CTSE: variants seen among roughly 807,000 people sequenced by gnomAD.
The protein encoded by CTSE is erythrocyte membrane aspartic proteinase.
A neutral mutation model predicts 42.8 loss-of-function variants in CTSE; 43 were observed. The observed-to-expected ratio is 1.01, with a 90% CI of 0.79 to 1.30. The LOEUF is 1.30. Among genes scored for constraint, CTSE ranks in the 50% most tolerant of loss-of-function variants. The pLI, the probability that CTSE is intolerant of heterozygous loss-of-function variation, is 0.00. For synonymous variants in CTSE, 205 were observed against 191.5 expected, an observed-to-expected ratio of 1.07 and a Z score of -0.58; for missense variants, 532 against 493.5, an observed-to-expected ratio of 1.08 and a Z score of -0.74.
At position 206,023,820 on chromosome 1, in the gene CTSE, GC is replaced by G. The variant is rs1434850107; in HGVS notation, c.-30del. On this transcript the variant is annotated 5_prime_UTR_variant, in exon 1 of 9. Transcript: ENST00000358184. ...GAGTCCGACCAGCAGCTTCTCCCTTGCCCCCTCCTTTCTTCTCTCCCCGAGG... is the reference window on the plus strand; with the variant it reads ...GAGTCCGACCAGCAGCTTCTCCCTTGCCCCTCCTTTCTTCTCTCCCCGAGG... 1.9e-6 allele frequency: 3 copies of G among 1,609,942 alleles called. No individual in the cohort carries two copies. The highest frequency in any genetic ancestry group is 2.5e-6 in the Non-Finnish European group (3 of 1,176,576).
At position 206,012,347 on chromosome 1, in the gene CTSE, T is replaced by G; in HGVS notation, c.987A>C (p.Gly329=). ...VMPDVTFTIN[G]VPYTLSPTAY... is the part of the protein sequence containing the mutation. ...CAGTTGGGCTGAGGGTATAGGGGAC[T>G]CCGTTAATGGTGAAGGTGACATCCG... is the stretch of plus-strand genomic sequence containing the variant. The change falls in exon 8 of 9, where the codon GGA becomes GGC. Residue 329 remains glycine (G), a synonymous_variant. Transcript: ENST00000358184. 2 of 1,613,934 alleles carry G rather than the reference T, an allele frequency of 1.2e-6. No homozygotes were observed. The highest frequency in any genetic ancestry group is 1.7e-6 in the Non-Finnish European group (2 of 1,179,894).
In CTSE at chr1:206,015,933, G is replaced by T; in HGVS notation, c.660C>A (p.Ser220Arg). 1 of 1,613,462 alleles carries T rather than the reference G, an allele frequency of 6.2e-7. No individual in the cohort carries two copies. The highest frequency in any genetic ancestry group is 8.5e-7 in the Non-Finnish European group (1 of 1,179,558). ...CTCACAGACTTGATGGGCCTTACCT[G>T]CTCATGTAGACAGAAAACATCGGCA... ...VDLPMFSVYM[S>R]SNPEGGAGSE... The change falls in exon 5 of 9, where the codon AGC (serine) becomes AGA (arginine). Residue 220 changes from serine to arginine, a missense_variant and splice_region_variant. Physicochemically the swap from Ser to Arg is moderately radical, Grantham distance 110. Coordinates refer to ENST00000358184, the MANE Select transcript of CTSE (RefSeq NM_001910.4).
chr1:206,021,202 C>G (rs782399480), intron 3 of CTSE, 35 bp from the exon 4 acceptor site: 2 of 1,514,584 alleles, frequency 1.3e-6, no homozygotes, highest in East Asian at 2.3e-5. Flanking sequence ...CTTATGCCAT[C>G]GGCTCACTGG....
At chr1:206,013,742 T>C in intron 6 of CTSE, 30 bp downstream of exon 6, 1 of 1,610,466 alleles carries the variant, frequency 6.2e-7, no homozygotes, top group Non-Finnish European at 8.5e-7. Flanking sequence ...TTACCCCTAG[T>C]ACTGTCACTA....
In CTSE at chr1:206,021,161, T is replaced by C. The variant is rs1571820811; in HGVS notation, c.350A>G (p.His117Arg). The change falls in exon 4 of 9, where the codon CAC becomes CGC. Residue 117 changes from histidine (H) to arginine (R), a missense_variant. His to Arg is a conservative substitution (Grantham distance 29, BLOSUM62 0). Coordinates refer to ENST00000358184, the MANE Select transcript of CTSE (RefSeq NM_001910.4). ...VYCTSPACKT[H>R]SRFQPSQSST... ...GGACTGGGAAGGCTGGAACCTGCTG[T>C]GCGTCTCTGGAAAGAAGTGCACTGC... 6.2e-7 allele frequency: 1 copy of C among 1,611,634 alleles called. No individual in the cohort carries two copies. The highest frequency in any genetic ancestry group is 1.3e-5 in the African/African-American group (1 of 74,992).
At chr1:206,013,462 A>G (rs1553277336) in intron 6 of CTSE, among the ~76,000 whole-genome samples, 1 of 151,792 alleles carries the variant, frequency 6.6e-6, no homozygotes, top group Non-Finnish European at 1.5e-5. Context: ...CACCTGTGCA[A>G]CCCCCCATGT....
Position 206,016,150 on chromosome 1 carries a change from A to G in CTSE, c.463-20T>C, listed in dbSNP as rs781841693. ...TTCCACCTGGTAGGAGAAAGCCCAC[A>G]GGAGAACAGGAGAATGGCACAGGGG... On this transcript the variant is annotated intron_variant, in intron 4 of 8. Transcript: ENST00000358184. 1 of 1,607,398 alleles carries G rather than the reference A, an allele frequency of 6.2e-7. No individual in the cohort carries two copies. Among genetic ancestry groups the G allele is most frequent in the South Asian group, 1.1e-5 (1 of 90,926 alleles).
Position 206,012,328 on chromosome 1 carries a change from G to T in CTSE, c.1006C>A (p.Pro336Thr). ...CTTACCAGTAGGGTGTAGGCAGTTG[G>T]GCTGAGGGTATAGGGGACTCCGTTA... ...TINGVPYTLS[P>T]TAYTLLDFVD... The change falls in exon 8 of 9, where the codon CCA becomes ACA. Residue 336 changes from proline (P) to threonine (T), a missense_variant. Transcript: ENST00000358184. 6.2e-7 allele frequency: 1 copy of T among 1,613,812 alleles called. No individual in the cohort carries two copies. The highest frequency in any genetic ancestry group is 8.5e-7 in the Non-Finnish European group (1 of 1,179,756).
At chr1:206,010,947 C>T (rs1414470218) in intron 8 of CTSE, among the ~76,000 whole-genome samples, 1 of 151,944 alleles carries the variant, frequency 6.6e-6, no homozygotes, top group Admixed American at 6.6e-5. Context: ...GTGGTCTTTC[C>T]AACAATGATT....
chr1:206,010,130 C>A lies in CTSE; in HGVS notation c.*53G>T. 1.2e-6 allele frequency: 2 copies of A among 1,607,816 alleles called. No individual in the cohort carries two copies. Among genetic ancestry groups the A allele is most frequent in the Admixed American group, 1.7e-5 (1 of 59,898 alleles). On this transcript the variant is annotated 3_prime_UTR_variant, in exon 9 of 9. Transcript: ENST00000358184. ...TTTGTAGGTGTAAAGAATGCCCCAG[C>A]CTAACATATTCAAGGTCTGTCAGAC...
rs1661408497 is a variant in CTSE at position 206,021,180 on chromosome 1, G to A, written c.344-13C>T. 2.5e-6 allele frequency: 4 copies of A among 1,589,110 alleles called. No homozygotes were observed. The highest frequency in any genetic ancestry group is 3.5e-6 in the Non-Finnish European group (4 of 1,157,350). ...CTGCTGTGCGTCTCTGGAAAGAAGT[G>A]CACTGCTCTTGCTTATGCCATCGGC... On this transcript the variant is annotated splice_polypyrimidine_tract_variant and intron_variant, in intron 3 of 8. Coordinates refer to ENST00000358184, the MANE Select transcript of CTSE (RefSeq NM_001910.4).
chr1:206,022,024 G>A, intron 3 of CTSE, 126 bp downstream of exon 3: 1 of 606,212 alleles, frequency 1.6e-6, no homozygotes, highest in Non-Finnish European at 2.9e-6. Context: ...AAGATGGAGA[G>A]TGGAAGCTGG....
At chr1:206,010,486 G>A (rs1447340720) in intron 8 of CTSE, 139 bp from the exon 9 acceptor site, 1 of 725,860 alleles carries the variant, frequency 1.4e-6, no homozygotes, top group Non-Finnish European at 2.5e-6. Context: ...TTGGTCGGTG[G>A]GTTCTTCCTC....
chr1:206,012,221 C>G lies in CTSE; in HGVS notation c.1026+87G>C, dbSNP rs113911920. 33 of 1,098,062 alleles carry G rather than the reference C, an allele frequency of 3.0e-5. No individual in the cohort carries two copies. In the East Asian group the frequency reaches 6.6e-4, roughly 22 times the overall value. The allele number at this position is 1,098,062 out of a possible 1,614,324, so 68.0% of individuals were successfully genotyped here. On this transcript the variant is annotated intron_variant, in intron 8 of 8. Coordinates refer to ENST00000358184, the MANE Select transcript of CTSE (RefSeq NM_001910.4). ...CGTGGGGCGGGGCTTAGGGTAAAGG[C>G]GGGCAAAGTGCAGGCGATTGAAAAG... is the stretch of plus-strand genomic sequence containing the variant.
At chr1:206,010,440 C>CTGGGTGGCCTT in intron 8 of CTSE, 93 bp from the exon 9 acceptor site, 1 of 1,150,292 alleles carries the variant, frequency 8.7e-7, no homozygotes, top group Non-Finnish European at 1.3e-6. Context: ...GTGGCTGGCA[C>CTGGGTGGCCTT]TGGGTGGCCT....
rs202098071 is a variant in CTSE, at chr1:206,023,071, C to T, written c.69-14G>A. ...CTGAGGGGCACCCTGGAGACAAACC[C>T]CCATGTAAGCAGGAGATGTACTTCT... On this transcript the variant is annotated splice_polypyrimidine_tract_variant and intron_variant, in intron 1 of 8. Coordinates refer to ENST00000358184, the MANE Select transcript of CTSE (RefSeq NM_001910.4). The T allele has an allele frequency of 6.2e-7, 1 of 1,612,178 alleles. No individual in the cohort carries two copies. Among genetic ancestry groups the T allele is most frequent in the African/African-American group, 1.3e-5 (1 of 74,956 alleles).
intron 8 of CTSE, among the ~76,000 whole-genome samples, chr1:206,011,127 G>A (rs1400449554): frequency 6.6e-6 from 1 of 152,006 alleles, no homozygotes; most frequent in Non-Finnish European, 1.5e-5. Flanking sequence ...TACTGCGAAA[G>A]AACCAGCACA....
At chr1:206,023,142 CTAGAGAAG>C in intron 1 of CTSE, 85 bp from the exon 2 acceptor site, 1 of 612,318 alleles carries the variant, frequency 1.6e-6, no homozygotes, top group African/African-American at 1.9e-5. Flanking sequence ...CAGGGGCCAA[CTAGAGAAG>C]ATGGGGTGGG....
chr1:206,022,380 T>G, intron 2 of CTSE, 113 bp from the exon 3 acceptor site: 1 of 677,844 alleles, frequency 1.5e-6, no homozygotes. Context: ...TAATACAGAC[T>G]GGAGTTTACA....
Sources: allele counts gnomAD v4.1 joint callset (sites outside exome capture counted in the v4.1 genomes callset), GRCh38; gene constraint gnomAD v4.1.1; transcripts MANE v1.5; gene names NCBI Gene and HGNC (gene_info 2026-07-23, HGNC 2026-07-21).